The following MSI2 variants were observed in gnomAD, a reference collection of about 807,000 sequenced individuals.
MSI2 encodes the protein RNA-binding protein Musashi homolog 2.
MSI2 carries 17 observed loss-of-function variants against 45.6 expected under a neutral mutation model. The ratio of observed to expected loss-of-function variants is 0.37; its 90% CI spans 0.26 to 0.56. The LOEUF (loss-of-function observed/expected upper bound fraction) is 0.56, where lower values mean the gene tolerates loss of function less well. Ranked by LOEUF, MSI2 falls within the 20% of genes least tolerant of loss-of-function variation. The pLI is 0.77. For missense variants in MSI2, 293 were observed against 444.2 expected, an observed-to-expected ratio of 0.66 and a Z score of 3.06; for synonymous variants, 156 against 158.2, an observed-to-expected ratio of 0.99 and a Z score of 0.11.
chr17:57,530,780 T>C (rs770924856), intron 7 of MSI2, among the ~76,000 whole-genome samples: 1 of 151,456 alleles, frequency 6.6e-6, no homozygotes, highest in Non-Finnish European at 1.5e-5. Context: ...GAAGGCAGAG[T>C]GAGTGAAAGG....
At chr17:57,410,748 G>A (rs79376923) in intron 6 of MSI2, among the ~76,000 whole-genome samples, 14,492 of 152,044 alleles carry the variant, frequency 0.095, 842 homozygotes, top group Middle Eastern at 0.16. Context: ...TATAATTGGC[G>A]GCAGAGGTAA....
intron 6 of MSI2, among the ~76,000 whole-genome samples, chr17:57,426,120 G>A (rs955807389): frequency 1.3e-5 from 2 of 152,186 alleles, no homozygotes; most frequent in East Asian, 1.9e-4. Context: ...TAGACCGGGG[G>A]TTGTGTTTCT....
intron 7 of MSI2, among the ~76,000 whole-genome samples, chr17:57,538,600 G>T (rs754566472): frequency 1.3e-5 from 2 of 152,084 alleles, no homozygotes; most frequent in Non-Finnish European, 2.9e-5. Context: ...GGGGCAGCCT[G>T]GTTTCTTCCC....
At chr17:57,615,273 G>T (rs2144556851) in intron 8 of MSI2, among the ~76,000 whole-genome samples, 1 of 152,008 alleles carries the variant, frequency 6.6e-6, no homozygotes, top group South Asian at 2.1e-4. Context: ...GACTACAGGT[G>T]TGTGCCACCA....
At chr17:57,451,621 T>A (rs1227718421) in intron 6 of MSI2, among the ~76,000 whole-genome samples, 1 of 152,216 alleles carries the variant, frequency 6.6e-6, no homozygotes. Flanking sequence ...AATCTCATTC[T>A]CACCTGCTTC....
At chr17:57,687,743 G>C (rs1431425971), downstream of MSI2, among the ~76,000 whole-genome samples, 1 of 152,062 alleles carries the variant, frequency 6.6e-6, no homozygotes, top group East Asian at 1.9e-4. Context: ...TGGCTTTGCT[G>C]TCAAAACCCA....
intron 10 of MSI2, among the ~76,000 whole-genome samples, chr17:57,641,696 G>A (rs1038906650): frequency 7.9e-5 from 12 of 152,176 alleles, no homozygotes; most frequent in Admixed American, 5.2e-4. Context: ...AGGAGGGTGT[G>A]ATTGGAAAGA....
intron 6 of MSI2, among the ~76,000 whole-genome samples, chr17:57,498,758 T>G (rs1469341294): frequency 2.6e-5 from 4 of 152,210 alleles, no homozygotes; most frequent in Admixed American, 1.3e-4. Flanking sequence ...GGAACCTTTC[T>G]TTCTTTTTTT....
chr17:57,378,098 A>AG (rs2083532750), intron 5 of MSI2, among the ~76,000 whole-genome samples: 1 of 151,570 alleles, frequency 6.6e-6, no homozygotes. Flanking sequence ...AGAAAAAAAA[A>AG]GTGAAGGCAT....
At chr17:57,495,479 G>A (rs982989454) in intron 6 of MSI2, among the ~76,000 whole-genome samples, 1 of 127,334 alleles carries the variant, frequency 7.9e-6, no homozygotes, top group African/African-American at 3.0e-5. Flanking sequence ...GTTGCAGTGA[G>A]CCAAGATTGC....
At position 57,652,265 on chromosome 17, in the gene MSI2, T is replaced by A; in HGVS notation, c.790+104T>A. 1 of 1,169,192 alleles carries A rather than the reference T, an allele frequency of 8.6e-7. No homozygotes were observed. Among genetic ancestry groups the A allele is most frequent in the Non-Finnish European group, 1.3e-6 (1 of 796,978 alleles). 72.4% of individuals were successfully genotyped at this position (1,169,192 alleles called of 1,614,324 possible). On this transcript the variant is annotated intron_variant, in intron 11 of 13. Transcript: ENST00000284073. This position sits in a 1 kb window ranked among gnomAD's most constrained non-coding sequence, Gnocchi z 4.1. ...TGTGGCTGCATCTGTCCAACACCACTCTCACCACAGCCCCGGGGAGGGGGT... is the reference window on the plus strand; with the variant it reads ...TGTGGCTGCATCTGTCCAACACCACACTCACCACAGCCCCGGGGAGGGGGT...
At chr17:57,401,659 G>A (rs753235658) in intron 6 of MSI2, among the ~76,000 whole-genome samples, 188 bp downstream of exon 6, 7 of 152,228 alleles carry the variant, frequency 4.6e-5, no homozygotes, top group Non-Finnish European at 1.0e-4. Flanking sequence ...CATTTGGTGT[G>A]ATGTCCCACG....
chr17:57,321,643 A>C (rs1431700690), intron 5 of MSI2, among the ~76,000 whole-genome samples: 1 of 152,094 alleles, frequency 6.6e-6, no homozygotes, highest in African/African-American at 2.4e-5. Context: ...ATTTGGGCTA[A>C]AGAGGTGCCT....
At chr17:57,342,417 C>T (rs2143795741) in intron 5 of MSI2, among the ~76,000 whole-genome samples, 1 of 152,314 alleles carries the variant, frequency 6.6e-6, no homozygotes, top group South Asian at 2.1e-4. Context: ...AGCCAGGGAG[C>T]ACTGGAGGAC....
chr17:57,384,506 T>A (rs1033885851), intron 5 of MSI2, among the ~76,000 whole-genome samples: 1 of 152,214 alleles, frequency 6.6e-6, no homozygotes, highest in African/African-American at 2.4e-5. Context: ...CTGCAGCACC[T>A]TTTTATGACT....
chr17:57,262,376 G>A, intron 5 of MSI2, 184 bp downstream of exon 5: 1 of 536,672 alleles, frequency 1.9e-6, no homozygotes, highest in Non-Finnish European at 3.2e-6. Flanking sequence ...GCCATCCCAA[G>A]GTGGCTTCTG....
Position 57,683,294 on chromosome 17 carries a change from G to GGTTTT in MSI2, c.*3788_*3792dup, listed in dbSNP as rs779950825. 1 of 230,416 alleles carries GGTTTT rather than the reference G, an allele frequency of 4.3e-6. No homozygotes were observed. Among genetic ancestry groups the GGTTTT allele is most frequent in the Non-Finnish European group, 8.6e-6 (1 of 116,536 alleles). The allele number at this position is 230,416 out of a possible 1,614,324, so 14.3% of individuals were successfully genotyped here. On this transcript the variant is annotated 3_prime_UTR_variant, in exon 14 of 14. Transcript: ENST00000284073. This position sits in a 1 kb window ranked among gnomAD's most constrained non-coding sequence, Gnocchi z 5.2. ...TGAAAGGTGTTCAGTTTTTGTTCTTGGTTTTGTTTTGTTTTTGATTTCTTG... is the reference window on the plus strand; with the variant it reads ...TGAAAGGTGTTCAGTTTTTGTTCTTGGTTTTGTTTTGTTTTGTTTTTGATTTCTTG...
chr17:57,480,075 G>A (rs1005712837), intron 6 of MSI2, among the ~76,000 whole-genome samples: 10 of 152,202 alleles, frequency 6.6e-5, no homozygotes, highest in African/African-American at 1.9e-4. Flanking sequence ...AGGTTCAAAC[G>A]ATTCTTCTGC....
At chr17:57,423,335 TAGA>T (rs1391722526) in intron 6 of MSI2, among the ~76,000 whole-genome samples, 2 of 152,232 alleles carry the variant, frequency 1.3e-5, no homozygotes, top group African/African-American at 2.4e-5. Flanking sequence ...CACACAGTAA[TAGA>T]AGAAGCCCGA....
Sources: gnomAD v4.1 joint callset for allele counts (sites outside exome capture counted in the v4.1 genomes callset) on GRCh38, gnomAD v4.1.1 for gene constraint, Gnocchi (gnomAD v3.1) non-coding constraint, MANE v1.5 for transcripts, NCBI Gene and HGNC (gene_info 2026-07-23, HGNC 2026-07-21) for gene names.